The following KANSL1 variants were observed in gnomAD, a reference collection of about 807,000 sequenced individuals.
KANSL1 encodes the protein MLL1/MLL complex subunit KANSL1.
KANSL1 carries 22 observed loss-of-function variants against 103.6 expected under a neutral mutation model. That is an observed-to-expected ratio of 0.21 (90% CI 0.15 to 0.30). The LOEUF (loss-of-function observed/expected upper bound fraction) is 0.30. KANSL1 is among the 10% of genes least tolerant of loss of function. The probability of loss-of-function intolerance (pLI) is 1.00; values close to 1 mark genes in which losing one functional copy is unlikely to be tolerated. For synonymous variants in KANSL1, 600 were observed against 527.6 expected (o/e 1.14, Z -1.88); for missense variants, 1,337 against 1,399.8 (o/e 0.96, Z 0.72).
intron 2 of KANSL1, among the ~76,000 whole-genome samples, chr17:46,146,017 A>C (rs1310384187): frequency 6.6e-6 from 1 of 152,240 alleles, no homozygotes; most frequent in East Asian, 1.9e-4. Flanking sequence ...GGTGTGAGCC[A>C]CCGTGCCAGC....
In KANSL1 at chr17:46,161,247, T is replaced by A. The variant is rs867081063; in HGVS notation, c.1289+9608A>T. Among the ~76,000 whole-genome samples the A allele has an allele frequency of 1.2e-3, 117 of 94,162 alleles. 1 individual carries two copies. The highest frequency in any genetic ancestry group is 6.5e-3 in the African/African-American group (111 of 17,034). The allele number at this position is 94,162 out of a possible 152,430, so 61.8% of individuals were successfully genotyped here. A position where few individuals can be genotyped will look rare whatever the true frequency, so the allele number is the denominator to read the frequency against. ...GGCTAACATGATGAAACCCCACCTC[T>A]ACTAAAAAAAAAAAAAAAAAAAAAA... On this transcript the variant is annotated intron_variant, in intron 2 of 14. Coordinates refer to ENST00000432791, the MANE Select transcript of KANSL1 (RefSeq NM_015443.4).
At chr17:46,202,205 T>C (rs1296227663) in intron 1 of KANSL1, among the ~76,000 whole-genome samples, 1 of 152,088 alleles carries the variant, frequency 6.6e-6, no homozygotes, top group Non-Finnish European at 1.5e-5. Context: ...AAAAAGAAAT[T>C]ATCTTCAGGC....
intron 2 of KANSL1, chr17:46,147,988 G>C (rs2044826065): frequency 6.6e-6 from 1 of 152,272 alleles, no homozygotes; most frequent in African/African-American, 2.4e-5. Context: ...ACTCGTTCTG[G>C]GCCCTGGTTT....
chr17:46,099,766 C>T (rs1159214409), intron 2 of KANSL1, among the ~76,000 whole-genome samples: 1 of 152,220 alleles, frequency 6.6e-6, no homozygotes, highest in Non-Finnish European at 1.5e-5. Flanking sequence ...AAAACATGTA[C>T]TATATATACT....
intron 1 of KANSL1, among the ~76,000 whole-genome samples, chr17:46,189,066 A>G (rs1298682462): frequency 1.5e-5 from 2 of 135,902 alleles, no homozygotes; most frequent in East Asian, 4.5e-4. Flanking sequence ...AAAAAAAAAA[A>G]GACAAGCAAG....
intron 3 of KANSL1, among the ~76,000 whole-genome samples, chr17:46,090,859 C>T (rs7208134): frequency 0.016 from 2,489 of 152,272 alleles, 63 homozygotes; most frequent in African/African-American, 0.057. Context: ...TAGAAGTATA[C>T]CACATACAAT....
intron 7 of KANSL1, among the ~76,000 whole-genome samples, chr17:46,048,635 C>T (rs1209556127): frequency 9.9e-5 from 15 of 152,148 alleles, no homozygotes; most frequent in Non-Finnish European, 1.5e-5. Flanking sequence ...CTTCTGTAGG[C>T]TGGGCACAGA....
At chr17:46,110,883 A>G (rs1229944599) in intron 2 of KANSL1, among the ~76,000 whole-genome samples, 1 of 152,238 alleles carries the variant, frequency 6.6e-6, no homozygotes, top group African/African-American at 2.4e-5. Flanking sequence ...GCTATGTCCT[A>G]GATACAAAGC....
rs2078395191 is a variant in KANSL1 at position 46,066,787 on chromosome 17, AAAC to A, written c.1653-58_1653-56del. On this transcript the variant is annotated intron_variant, in intron 5 of 14. Coordinates refer to ENST00000432791, the MANE Select transcript of KANSL1 (RefSeq NM_015443.4). ...GAACACACAAAGAAACAAAATAAATAAACAACAAGAAAACACAAAGAAACAAAG... is the reference window on the plus strand; with the variant it reads ...GAACACACAAAGAAACAAAATAAATAAACAAGAAAACACAAAGAAACAAAG... 26 of 1,270,046 alleles carry A rather than the reference AAAC, an allele frequency of 2.0e-5. No homozygotes were observed. The East Asian group carries it at 5.5e-4, about 27-fold the overall frequency. 78.7% of individuals were successfully genotyped at this position (1,270,046 alleles called of 1,614,324 possible). A position where few individuals can be genotyped will look rare whatever the true frequency, so the allele number is the denominator to read the frequency against.
chr17:46,181,511 C>A (rs2046794035), intron 1 of KANSL1, among the ~76,000 whole-genome samples: 1 of 152,178 alleles, frequency 6.6e-6, no homozygotes, highest in Non-Finnish European at 1.5e-5. Context: ...CTCACTGCAA[C>A]CTCCGCCTCC....
chr17:46,164,808 GTCAGCT>G (rs1384703331), intron 2 of KANSL1, among the ~76,000 whole-genome samples: 1 of 152,224 alleles, frequency 6.6e-6, no homozygotes, highest in Non-Finnish European at 1.5e-5. Flanking sequence ...GTCACGTAGG[GTCAGCT>G]CCCTCACTTT....
chr17:46,067,258 G>A (rs1009560933), intron 5 of KANSL1, among the ~76,000 whole-genome samples: 14 of 152,136 alleles, frequency 9.2e-5, no homozygotes, highest in African/African-American at 2.9e-4. Flanking sequence ...AGCAGAGGAG[G>A]TTAATATAAG....
At chr17:46,113,935 TTATC>T (rs780985717) in intron 2 of KANSL1, among the ~76,000 whole-genome samples, 3 of 152,166 alleles carry the variant, frequency 2.0e-5, no homozygotes, top group Non-Finnish European at 2.9e-5. Flanking sequence ...ACATTAGAGA[TTATC>T]TATCTCTAAG....
intron 2 of KANSL1, among the ~76,000 whole-genome samples, chr17:46,095,841 G>A (rs767348227): frequency 6.6e-6 from 1 of 152,104 alleles, no homozygotes; most frequent in Non-Finnish European, 1.5e-5. Flanking sequence ...AAGAAAAAAA[G>A]ACAATCTTAA....
chr17:46,064,057 AAAAAAAAAAAAAAAC>A (rs1201686922), intron 6 of KANSL1, among the ~76,000 whole-genome samples: 2 of 104,922 alleles, frequency 1.9e-5, no homozygotes, highest in African/African-American at 2.7e-5. Context: ...TATTAGTAAA[AAAAAAAAAAAAAAAC>A]AAAAAAAAAC....
intron 6 of KANSL1, among the ~76,000 whole-genome samples, chr17:46,062,118 C>CAA (rs66529773): frequency 0.077 from 8,377 of 108,410 alleles, 557 homozygotes; most frequent in East Asian, 0.28. Flanking sequence ...AACAAACAAA[C>CAA]AAAAAAAAAA....
At chr17:46,112,277 A>G (rs2042843339) in intron 2 of KANSL1, among the ~76,000 whole-genome samples, 1 of 150,892 alleles carries the variant, frequency 6.6e-6, no homozygotes, top group African/African-American at 2.4e-5. Context: ...CTGAGGTAAG[A>G]AAATCGCTTG....
chr17:46,130,852 A>G (rs17577877), intron 2 of KANSL1, among the ~76,000 whole-genome samples: 21,631 of 151,936 alleles, frequency 0.14, 2,115 homozygotes, highest in Non-Finnish European at 0.22. Flanking sequence ...TCTGTGGTTC[A>G]CTGTACCACT....
intron 2 of KANSL1, among the ~76,000 whole-genome samples, chr17:46,123,566 A>C (rs929080141): frequency 6.6e-6 from 1 of 152,230 alleles, no homozygotes; most frequent in Admixed American, 6.5e-5. Context: ...AAGCAAGAGA[A>C]GCAGCTTTAT....
Sources: gnomAD v4.1 joint callset for allele counts (sites outside exome capture counted in the v4.1 genomes callset) on GRCh38, gnomAD v4.1.1 for gene constraint, MANE v1.5 for transcripts, NCBI Gene and HGNC (gene_info 2026-07-23, HGNC 2026-07-21) for gene names.